The following OR1J2 variants were observed in gnomAD, a reference collection of about 807,000 sequenced individuals.
OR1J2 encodes olfactory receptor family 1 subfamily J member 2.
For synonymous variants in OR1J2, 142 were observed against 99.7 expected (o/e 1.42, Z -2.52); for missense variants, 304 against 246.1 (o/e 1.24, Z -1.57).
the OR1J2 span, among the ~76,000 whole-genome samples, chr9:122,541,159 A>G: frequency 2.0e-5 from 3 of 152,178 alleles, no homozygotes; most frequent in African/African-American, 4.8e-5. Flanking sequence ...CTTGACTCCT[A>G]CGGAAATCAT....
chr9:122,456,185 T>C, the OR1J2 span, among the ~76,000 whole-genome samples: 1 of 152,214 alleles, frequency 6.6e-6, no homozygotes, highest in Non-Finnish European at 1.5e-5. Context: ...AGGAAGAGTC[T>C]GGGGATGGAG....
chr9:122,543,390 A>G, the OR1J2 span, among the ~76,000 whole-genome samples: 2,067 of 152,160 alleles, frequency 0.014, 58 homozygotes, highest in African/African-American at 0.048. Context: ...TTTTGTAGAG[A>G]TGGGGTTTTG....
upstream of OR1J2, among the ~76,000 whole-genome samples, chr9:122,508,982 C>G (rs1828581796): frequency 1.3e-5 from 2 of 152,196 alleles, no homozygotes; most frequent in African/African-American, 4.8e-5. Flanking sequence ...ATGGCCCCTT[C>G]CTTCGTCCTC....
chr9:122,510,643 CT>C (rs1223324914), upstream of OR1J2, among the ~76,000 whole-genome samples: 1 of 152,102 alleles, frequency 6.6e-6, no homozygotes, highest in Non-Finnish European at 1.5e-5. Flanking sequence ...TTCTGATGCT[CT>C]TCCTCCCCAC....
chr9:122,474,601 C>CAGA, the OR1J2 span, among the ~76,000 whole-genome samples: 1 of 152,266 alleles, frequency 6.6e-6, no homozygotes, highest in Middle Eastern at 3.4e-3. Flanking sequence ...CAAAATAGGG[C>CAGA]TGGGAAGGCA....
At chr9:122,508,323 G>A (rs996131188), upstream of OR1J2, among the ~76,000 whole-genome samples, 1 of 152,086 alleles carries the variant, frequency 6.6e-6, no homozygotes, top group African/African-American at 2.4e-5. Flanking sequence ...ATGTCTTTAA[G>A]GAGTTAGGTT....
At chr9:122,470,415 C>T in the OR1J2 span, among the ~76,000 whole-genome samples, 4 of 152,204 alleles carry the variant, frequency 2.6e-5, no homozygotes, top group African/African-American at 9.6e-5. Flanking sequence ...GAACCTCTGC[C>T]TAGATTTCAG....
chr9:122,448,645 G>GCTC, the OR1J2 span, among the ~76,000 whole-genome samples: 1 of 152,100 alleles, frequency 6.6e-6, no homozygotes, highest in Non-Finnish European at 1.5e-5. Context: ...AGTGCATTGT[G>GCTC]CTCCTGGTTA....
chr9:122,511,850 A>G (rs1423205325), downstream of OR1J2: 1 of 669,274 alleles, frequency 1.5e-6, no homozygotes, highest in African/African-American at 1.8e-5. Context: ...CCCTAAGACA[A>G]ATGTTAACAT....
chr9:122,566,353 T>TAAAG, the OR1J2 span, among the ~76,000 whole-genome samples: 1 of 152,208 alleles, frequency 6.6e-6, no homozygotes, highest in Non-Finnish European at 1.5e-5. Context: ...CAACTGTGTA[T>TAAAG]AAAGATGAGG....
chr9:122,467,476 T>C, the OR1J2 span, among the ~76,000 whole-genome samples: 9 of 152,236 alleles, frequency 5.9e-5, no homozygotes, highest in African/African-American at 2.2e-4. Flanking sequence ...TGTCATTTGT[T>C]ATGTCATTCC....
At chr9:122,519,097 T>C in the OR1J2 span, 3 of 1,380,072 alleles carry the variant, frequency 2.2e-6, no homozygotes, top group Admixed American at 2.0e-5. Flanking sequence ...TGTTTCTGCC[T>C]TTTTCAATGT....
chr9:122,547,865 A>G, the OR1J2 span, among the ~76,000 whole-genome samples: 1 of 152,174 alleles, frequency 6.6e-6, no homozygotes, highest in Non-Finnish European at 1.5e-5. Context: ...TTGAGAAATC[A>G]TACTGTTTTC....
the OR1J2 span, chr9:122,519,866 C>T: frequency 1.2e-6 from 2 of 1,614,152 alleles, no homozygotes; most frequent in South Asian, 1.1e-5. Context: ...CCACCTGTGG[C>T]TCTCACCTCT....
At chr9:122,489,949 T>C in the OR1J2 span, among the ~76,000 whole-genome samples, 1 of 152,158 alleles carries the variant, frequency 6.6e-6, no homozygotes, top group Admixed American at 6.5e-5. Context: ...TTGTCAGGGA[T>C]AGACACATAA....
chr9:122,577,696 C>T, the OR1J2 span, among the ~76,000 whole-genome samples: 4 of 152,088 alleles, frequency 2.6e-5, no homozygotes, highest in Non-Finnish European at 5.9e-5. Flanking sequence ...TGTAAAGTAT[C>T]ACAATAACTC....
At chr9:122,471,240 CG>C in the OR1J2 span, 1 of 152,166 alleles carries the variant, frequency 6.6e-6, no homozygotes, top group Admixed American at 6.5e-5. Flanking sequence ...ATTTGAATCA[CG>C]GGGGCAGTTC....
the OR1J2 span, among the ~76,000 whole-genome samples, chr9:122,479,093 A>G: frequency 6.6e-6 from 1 of 152,180 alleles, no homozygotes; most frequent in Admixed American, 6.5e-5. Flanking sequence ...TTTGAATATC[A>G]ATGTGTAGCG....
chr9:122,541,306 C>T, the OR1J2 span, among the ~76,000 whole-genome samples: 2 of 152,244 alleles, frequency 1.3e-5, no homozygotes, highest in African/African-American at 4.8e-5. Flanking sequence ...CTGATCAACA[C>T]CAAAAAATCC....
Sources: allele counts gnomAD v4.1 joint callset (sites outside exome capture counted in the v4.1 genomes callset), GRCh38; gene constraint gnomAD v4.1.1; transcripts MANE v1.5; gene names NCBI Gene and HGNC (gene_info 2026-07-23, HGNC 2026-07-21).